ALK: variants seen among roughly 807,000 people sequenced by gnomAD.
ALK encodes the protein ALK receptor tyrosine kinase.
In ALK, 74 loss-of-function variants were observed where a neutral mutation model predicts 163.1. That is an observed-to-expected ratio of 0.45 (90% CI 0.38 to 0.55). ALK has a LOEUF of 0.55. ALK is among the 20% of genes least tolerant of loss of function. The pLI is 0.00. For synonymous variants in ALK, 960 were observed against 843.2 expected, an observed-to-expected ratio of 1.14 and a Z score of -2.40; for missense variants, 2,063 against 2,105.3, an observed-to-expected ratio of 0.98 and a Z score of 0.39.
chr2:29,698,738 C>G (rs549479833), intron 2 of ALK, among the ~76,000 whole-genome samples: 5 of 152,208 alleles, frequency 3.3e-5, no homozygotes, highest in African/African-American at 9.6e-5. Flanking sequence ...CAGATCCTGC[C>G]TAGTAAAACA....
chr2:29,725,057 C>A (rs1260214467), intron 1 of ALK, among the ~76,000 whole-genome samples: 4 of 150,204 alleles, frequency 2.7e-5, no homozygotes, highest in African/African-American at 9.9e-5. Context: ...AAGCATGTAC[C>A]CCTTCCCAAG....
intron 3 of ALK, among the ~76,000 whole-genome samples, chr2:29,559,514 T>C (rs779521712): frequency 1.2e-4 from 18 of 152,190 alleles, no homozygotes; most frequent in Non-Finnish European, 1.9e-4. Flanking sequence ...TTCTTAATAT[T>C]TGCCATCAAC....
chr2:29,512,709 T>A (rs1021401731), intron 4 of ALK, among the ~76,000 whole-genome samples: 28 of 149,726 alleles, frequency 1.9e-4, no homozygotes, highest in African/African-American at 6.9e-4. Flanking sequence ...AGTCAAATTG[T>A]CCCTGTTTGC....
chr2:29,768,287 A>G (rs1573619599), intron 1 of ALK, among the ~76,000 whole-genome samples: 1 of 152,340 alleles, frequency 6.6e-6, no homozygotes, highest in Middle Eastern at 3.4e-3. Flanking sequence ...TTCTGGGTAA[A>G]CGGGGGCCCA....
intron 4 of ALK, among the ~76,000 whole-genome samples, chr2:29,505,401 G>C (rs763966350): frequency 6.6e-6 from 1 of 152,182 alleles, no homozygotes; most frequent in Non-Finnish European, 1.5e-5. Flanking sequence ...CCTGTTACAA[G>C]AGAAGTTCAA....
At chr2:29,529,728 T>C (rs1302039967) in intron 4 of ALK, among the ~76,000 whole-genome samples, 1 of 152,232 alleles carries the variant, frequency 6.6e-6, no homozygotes, top group African/African-American at 2.4e-5. Context: ...ACAGATCTCA[T>C]GGGAGGTGAG....
chr2:29,777,152 C>G (rs1267342311), intron 1 of ALK, among the ~76,000 whole-genome samples: 1 of 152,218 alleles, frequency 6.6e-6, no homozygotes, highest in Non-Finnish European at 1.5e-5. Context: ...ATACACTAAA[C>G]TAGCATTTGC....
intron 3 of ALK, among the ~76,000 whole-genome samples, chr2:29,649,207 T>A (rs1483977262): frequency 7.3e-6 from 1 of 136,984 alleles, no homozygotes; most frequent in Non-Finnish European, 1.5e-5. Context: ...TGAGAGAGAG[T>A]GTGTGTATGT....
At chr2:29,900,459 C>G (rs1231282351) in intron 1 of ALK, among the ~76,000 whole-genome samples, 1 of 152,242 alleles carries the variant, frequency 6.6e-6, no homozygotes, top group Non-Finnish European at 1.5e-5. Flanking sequence ...CTTCCTCACT[C>G]CTTTCTCCTT....
intron 23 of ALK, among the ~76,000 whole-genome samples, chr2:29,218,591 T>G (rs577634900): frequency 6.6e-6 from 1 of 152,100 alleles, no homozygotes; most frequent in African/African-American, 2.4e-5. Context: ...GAGGGAGAGA[T>G]AGAGACACAC....
chr2:29,369,716 T>C (rs760385967), intron 5 of ALK, among the ~76,000 whole-genome samples: 21 of 151,940 alleles, frequency 1.4e-4, no homozygotes, highest in Non-Finnish European at 2.9e-4. Context: ...ATCCGGAGTG[T>C]GGAGAGGCAC....
intron 6 of ALK, among the ~76,000 whole-genome samples, chr2:29,327,199 G>C (rs1477383159): frequency 6.6e-6 from 1 of 152,156 alleles, no homozygotes; most frequent in Non-Finnish European, 1.5e-5. Flanking sequence ...ACTCCGCCCC[G>C]ACTGCCAGTG....
intron 5 of ALK, among the ~76,000 whole-genome samples, chr2:29,364,772 C>A (rs186053783): frequency 6.6e-6 from 1 of 152,150 alleles, no homozygotes; most frequent in Non-Finnish European, 1.5e-5. Flanking sequence ...TTAATTCATC[C>A]ATTCATCATC....
Position 29,547,549 on chromosome 2 carries a change from A to G in ALK, c.953-15433T>C, listed in dbSNP as rs2148171788. ...GAGGCGGAGGTTGCAGTGAGCAGAGATCGTGCCACTGCACTCTAGCCTGGG... is the reference window on the plus strand; with the variant it reads ...GAGGCGGAGGTTGCAGTGAGCAGAGGTCGTGCCACTGCACTCTAGCCTGGG... On this transcript the variant is annotated intron_variant, in intron 3 of 28. Coordinates refer to ENST00000389048, the MANE Select transcript of ALK (RefSeq NM_004304.5). Among the ~76,000 whole-genome samples, 2 of 152,334 alleles carry G rather than the reference A, an allele frequency of 1.3e-5. 1 individual carries two copies. Among genetic ancestry groups the G allele is most frequent in the South Asian group, 4.1e-4 (2 of 4,822 alleles).
At chr2:29,522,426 G>T (rs1376798145) in intron 4 of ALK, among the ~76,000 whole-genome samples, 1 of 152,190 alleles carries the variant, frequency 6.6e-6, no homozygotes, top group Non-Finnish European at 1.5e-5. Flanking sequence ...TACGGGGAAT[G>T]AAGGAAGGGA....
chr2:29,436,414 A>T (rs2148077566), intron 4 of ALK, among the ~76,000 whole-genome samples: 2 of 152,222 alleles, frequency 1.3e-5, no homozygotes, highest in South Asian at 4.2e-4. Flanking sequence ...TCCCCAGGGG[A>T]CTGGTTTTAT....
At chr2:29,527,065 T>C (rs59411686) in intron 4 of ALK, among the ~76,000 whole-genome samples, 18,035 of 152,128 alleles carry the variant, frequency 0.12, 1,359 homozygotes, top group East Asian at 0.31. Flanking sequence ...GTTGCTGGCA[T>C]TGCCAGGACA....
chr2:29,850,461 T>C (rs1665960999), intron 1 of ALK, among the ~76,000 whole-genome samples: 1 of 152,204 alleles, frequency 6.6e-6, no homozygotes, highest in Non-Finnish European at 1.5e-5. Flanking sequence ...GTTATACTTC[T>C]ATAAAAAGGT....
intron 3 of ALK, among the ~76,000 whole-genome samples, chr2:29,565,347 C>A (rs1028322285): frequency 1.3e-5 from 2 of 152,058 alleles, no homozygotes; most frequent in Non-Finnish European, 2.9e-5. Flanking sequence ...CTGGTGAGCA[C>A]GGAAGGGCAG....
Sources: gnomAD v4.1 joint callset for allele counts (sites outside exome capture counted in the v4.1 genomes callset) on GRCh38, gnomAD v4.1.1 for gene constraint, MANE v1.5 for transcripts, NCBI Gene and HGNC (gene_info 2026-07-23, HGNC 2026-07-21) for gene names.